The following THSD7B variants were observed in gnomAD, a reference collection of about 807,000 sequenced individuals.
THSD7B encodes thrombospondin type 1 domain containing 7B.
THSD7B carries 138 observed loss-of-function variants against 213.6 expected under a neutral mutation model. The ratio of observed to expected loss-of-function variants is 0.65; its 90% CI spans 0.56 to 0.74. THSD7B has a LOEUF of 0.74. Ranked by LOEUF, THSD7B falls within the 30% of genes least tolerant of loss-of-function variation. The probability of loss-of-function intolerance (pLI) is 0.00; values close to 1 mark genes in which losing one functional copy is unlikely to be tolerated. For synonymous variants in THSD7B, 742 were observed against 687.0 expected (o/e 1.08, Z -1.25); for missense variants, 1,931 against 1,991.5 (o/e 0.97, Z 0.58).
At chr2:137,427,877 T>C (rs1311613782) in intron 14 of THSD7B, among the ~76,000 whole-genome samples, 1 of 152,144 alleles carries the variant, frequency 6.6e-6, no homozygotes, top group Non-Finnish European at 1.5e-5. Context: ...AAGTGAAGTA[T>C]ATGTTATTTT....
chr2:137,153,129 G>C (rs796420062), intron 5 of THSD7B, among the ~76,000 whole-genome samples: 1 of 152,072 alleles, frequency 6.6e-6, no homozygotes, highest in Non-Finnish European at 1.5e-5. Flanking sequence ...ATGGCTGAAG[G>C]CTACTATATT....
At chr2:136,886,249 TG>T (rs1683714412) in intron 2 of THSD7B, among the ~76,000 whole-genome samples, 1 of 152,060 alleles carries the variant, frequency 6.6e-6, no homozygotes, top group African/African-American at 2.4e-5. Context: ...GGGAGGGTTT[TG>T]AGAGGGTGGT....
chr2:137,380,177 C>G (rs1685741845), intron 12 of THSD7B, among the ~76,000 whole-genome samples: 1 of 150,848 alleles, frequency 6.6e-6, no homozygotes, highest in Non-Finnish European at 1.5e-5. Context: ...TTTTGGAGGC[C>G]AAGGTGAGAG....
rs1258430296 is a variant in THSD7B at position 137,079,516 on chromosome 2, A to G, written c.951-15357A>G. Among the ~76,000 whole-genome samples, 5 of 152,148 alleles carry G rather than the reference A, an allele frequency of 3.3e-5. No individual in the cohort carries two copies. In the East Asian group the frequency reaches 7.8e-4, roughly 24 times the overall value. ...TTTTTGTCTTGAATTTTAATTTGTC[A>G]GATATTAGGATTGTACAACATGCAT... is the stretch of plus-strand genomic sequence containing the variant. On this transcript the variant is annotated intron_variant, in intron 3 of 27. Transcript: ENST00000409968.
chr2:137,228,318 G>A (rs1297296439), intron 7 of THSD7B, among the ~76,000 whole-genome samples: 4 of 152,040 alleles, frequency 2.6e-5, no homozygotes, highest in African/African-American at 4.8e-5. Context: ...TGACATTAAA[G>A]TTCACTGAGG....
chr2:137,217,043 T>C (rs947289163), intron 7 of THSD7B, among the ~76,000 whole-genome samples: 10 of 152,290 alleles, frequency 6.6e-5, no homozygotes, highest in African/African-American at 2.4e-4. Context: ...AAAATTTTCC[T>C]TTTGACATGG....
Position 137,495,896 on chromosome 2 carries a change from G to A in THSD7B, c.3138+44873G>A, listed in dbSNP as rs185627308. Among the ~76,000 whole-genome samples, 165 of 152,154 alleles carry A rather than the reference G, an allele frequency of 1.1e-3. 1 individual carries two copies. The highest frequency in any genetic ancestry group is 3.8e-3 in the African/African-American group (156 of 41,532). Reference sequence around the variant, plus strand: ...CCAGTTCTACCCCCCTGGCAAGCCCGCTAAATTTATTGGCCAATTTTATTT... The same window carrying A: ...CCAGTTCTACCCCCCTGGCAAGCCCACTAAATTTATTGGCCAATTTTATTT... On this transcript the variant is annotated intron_variant, in intron 15 of 27. Coordinates refer to ENST00000409968, the MANE Select transcript of THSD7B (RefSeq NM_001316349.2).
intron 12 of THSD7B, among the ~76,000 whole-genome samples, chr2:137,393,750 T>TG: frequency 7.1e-6 from 1 of 141,142 alleles, no homozygotes; most frequent in African/African-American, 2.6e-5. Flanking sequence ...ACGTCCACAA[T>TG]GGTTGAACTA....
chr2:137,602,194 T>C (rs2104824230), intron 17 of THSD7B, among the ~76,000 whole-genome samples: 1 of 152,334 alleles, frequency 6.6e-6, no homozygotes, highest in South Asian at 2.1e-4. Flanking sequence ...TGTGGTGTTA[T>C]AGCAGAATAC....
intron 15 of THSD7B, among the ~76,000 whole-genome samples, chr2:137,468,487 T>C (rs1026220241): frequency 1.2e-4 from 18 of 151,916 alleles, no homozygotes; most frequent in African/African-American, 4.4e-4. Context: ...AGAAGGCATG[T>C]GTCTTATCTT....
chr2:137,074,238 C>T (rs950473922), intron 3 of THSD7B, among the ~76,000 whole-genome samples: 2 of 152,042 alleles, frequency 1.3e-5, no homozygotes, highest in Non-Finnish European at 1.5e-5. Flanking sequence ...TTGTAGGTCA[C>T]TAAGGACTTG....
intron 7 of THSD7B, among the ~76,000 whole-genome samples, chr2:137,188,025 C>T (rs960106343): frequency 1.3e-5 from 2 of 152,136 alleles, no homozygotes; most frequent in Non-Finnish European, 2.9e-5. Context: ...AGATAAGTCT[C>T]ATTGTTCATC....
chr2:137,319,351 C>T (rs1684211909), intron 12 of THSD7B, among the ~76,000 whole-genome samples: 1 of 151,868 alleles, frequency 6.6e-6, no homozygotes, highest in Admixed American at 6.6e-5. Context: ...TATATGTCTC[C>T]TGTGTCTTAT....
chr2:137,417,594 ATTTTTAT>A (rs1437445125), intron 14 of THSD7B, among the ~76,000 whole-genome samples: 1 of 151,668 alleles, frequency 6.6e-6, no homozygotes, highest in Non-Finnish European at 1.5e-5. Context: ...CTAATTTTTT[ATTTTTAT>A]TTTTTATTTT....
intron 10 of THSD7B, among the ~76,000 whole-genome samples, chr2:137,248,035 A>T (rs1682081860): frequency 6.6e-6 from 1 of 152,162 alleles, no homozygotes; most frequent in African/African-American, 2.4e-5. Context: ...TTCAATCCAC[A>T]GATGTCTGAG....
intron 20 of THSD7B, 117 bp from the exon 21 acceptor site, chr2:137,642,371 A>T: frequency 8.0e-7 from 1 of 1,250,222 alleles, no homozygotes; most frequent in Non-Finnish European, 1.1e-6. Context: ...AAAGTGAGAT[A>T]GGACAGAGTT....
At chr2:137,110,870 A>G (rs1558924570) in intron 4 of THSD7B, among the ~76,000 whole-genome samples, 1 of 152,224 alleles carries the variant, frequency 6.6e-6, no homozygotes, top group East Asian at 1.9e-4. Context: ...ATGTTTAGAT[A>G]CACAAATACT....
chr2:137,489,283 G>T (rs1228109394), intron 15 of THSD7B, among the ~76,000 whole-genome samples: 1 of 151,890 alleles, frequency 6.6e-6, no homozygotes, highest in African/African-American at 2.4e-5. Context: ...AAATTAGCCG[G>T]GCGTGGTGGT....
intron 12 of THSD7B, among the ~76,000 whole-genome samples, chr2:137,392,919 C>G (rs72847164): frequency 0.23 from 34,267 of 151,692 alleles, 4,019 homozygotes; most frequent in South Asian, 0.27. Context: ...TATAAGACCT[C>G]TGAGTTTTAT....
Sources: gnomAD v4.1 joint callset for allele counts (sites outside exome capture counted in the v4.1 genomes callset) on GRCh38, gnomAD v4.1.1 for gene constraint, MANE v1.5 for transcripts, NCBI Gene and HGNC (gene_info 2026-07-23, HGNC 2026-07-21) for gene names.